Variants in LRRC4C observed in about 807,000 individuals in gnomAD.
LRRC4C encodes leucine rich repeat containing 4C.
Under a neutral mutation model 33.6 loss-of-function variants are expected in LRRC4C, and 5 were observed. The ratio of observed to expected loss-of-function variants is 0.15; its 90% confidence interval spans 0.08 to 0.31. LRRC4C has a LOEUF of 0.31. Among genes scored for constraint, LRRC4C ranks in the 10% least tolerant of loss-of-function variants. The probability of loss-of-function intolerance (pLI) is 1.00; values close to 1 mark genes in which losing one functional copy is unlikely to be tolerated. For synonymous variants in LRRC4C, 329 were observed against 302.0 expected (o/e 1.09, Z -0.93); for missense variants, 560 against 796.7 (o/e 0.70, Z 3.58).
intron 2 of LRRC4C, among the ~76,000 whole-genome samples, chr11:40,665,094 G>A (rs1020264252): frequency 9.3e-5 from 14 of 151,340 alleles, no homozygotes; most frequent in African/African-American, 2.9e-4. Context: ...TTATCTTCTG[G>A]TAGGATACTT....
At chr11:40,297,839 C>G (rs1944588386) in intron 4 of LRRC4C, among the ~76,000 whole-genome samples, 1 of 152,034 alleles carries the variant, frequency 6.6e-6, no homozygotes, top group South Asian at 2.1e-4. Flanking sequence ...AATAAGGGAA[C>G]CTAGCTAGGA....
chr11:40,549,227 T>C (rs1957043589), intron 3 of LRRC4C, among the ~76,000 whole-genome samples: 1 of 152,142 alleles, frequency 6.6e-6, no homozygotes, highest in Non-Finnish European at 1.5e-5. Context: ...TAGCTTATGA[T>C]ACAATCAGGC....
Position 40,427,733 on chromosome 11 carries a change from G to A in LRRC4C, c.-269-108012C>T, listed in dbSNP as rs144137059. Among the ~76,000 whole-genome samples, 1,464 of 152,238 alleles carry A rather than the reference G, an allele frequency of 9.6e-3. 23 individuals carry two copies. Among genetic ancestry groups the A allele is most frequent in the African/African-American group, 0.033 (1,372 of 41,536 alleles). On this transcript the variant is annotated intron_variant, in intron 3 of 6. Transcript: ENST00000528697. ...TAGTCCCAGCTATTTGGGAGGCTGA[G>A]GTGGGAGGATCACTTGAGTCTGGGA...
At chr11:40,419,975 T>A (rs2137729538) in intron 3 of LRRC4C, among the ~76,000 whole-genome samples, 1 of 152,300 alleles carries the variant, frequency 6.6e-6, no homozygotes, top group African/African-American at 2.4e-5. Context: ...GAGGTGAATT[T>A]TACTTATTAA....
chr11:40,989,315 T>C (rs1853329914), intron 1 of LRRC4C, among the ~76,000 whole-genome samples: 1 of 152,190 alleles, frequency 6.6e-6, no homozygotes, highest in Non-Finnish European at 1.5e-5. Flanking sequence ...CAGGCACTGT[T>C]CTAGGCACTT....
chr11:40,940,119 C>T (rs1022012418), intron 1 of LRRC4C, among the ~76,000 whole-genome samples: 1 of 152,122 alleles, frequency 6.6e-6, no homozygotes, highest in Non-Finnish European at 1.5e-5. Flanking sequence ...ACTTTAATCT[C>T]ACACTGTCAC....
chr11:40,764,147 G>A (rs762556161), intron 2 of LRRC4C, among the ~76,000 whole-genome samples: 3 of 152,080 alleles, frequency 2.0e-5, no homozygotes, highest in South Asian at 2.1e-4. Context: ...AAGGCACTGC[G>A]CTGAGTCCTG....
intron 3 of LRRC4C, among the ~76,000 whole-genome samples, chr11:40,412,727 A>C (rs1015134656): frequency 1.3e-5 from 2 of 152,070 alleles, no homozygotes; most frequent in Non-Finnish European, 2.9e-5. Context: ...GAGTTAGGCT[A>C]TGAAGGCTCA....
intron 1 of LRRC4C, among the ~76,000 whole-genome samples, chr11:41,157,756 A>C (rs2136004149): frequency 6.6e-6 from 1 of 152,080 alleles, no homozygotes; most frequent in Non-Finnish European, 1.5e-5. Flanking sequence ...TTACGTTTTT[A>C]ATTTTTAAAT....
intron 1 of LRRC4C, among the ~76,000 whole-genome samples, chr11:41,450,748 A>G (rs540822665): frequency 6.6e-6 from 1 of 152,264 alleles, no homozygotes; most frequent in Non-Finnish European, 1.5e-5. Flanking sequence ...GCTCCAACCT[A>G]TATCTTCATT....
At chr11:41,161,598 T>C (rs1487711993) in intron 1 of LRRC4C, among the ~76,000 whole-genome samples, 1 of 152,168 alleles carries the variant, frequency 6.6e-6, no homozygotes, top group Non-Finnish European at 1.5e-5. Flanking sequence ...ACACTTAGGG[T>C]CACCTATGAA....
chr11:40,562,039 G>T (rs572869899), intron 3 of LRRC4C, among the ~76,000 whole-genome samples: 1 of 152,202 alleles, frequency 6.6e-6, no homozygotes, highest in African/African-American at 2.4e-5. Flanking sequence ...ACCCACATAG[G>T]TGGTCTAGAC....
intron 1 of LRRC4C, among the ~76,000 whole-genome samples, chr11:41,399,396 A>G (rs920141810): frequency 2.6e-5 from 4 of 151,988 alleles, no homozygotes; most frequent in African/African-American, 9.7e-5. Flanking sequence ...TCGGGAGAAC[A>G]ACATATTGTA....
At position 40,345,745 on chromosome 11, in the gene LRRC4C, C is replaced by G. The variant is rs144780712; in HGVS notation, c.-269-26024G>C. On this transcript the variant is annotated intron_variant, in intron 3 of 6. Coordinates refer to ENST00000528697, the MANE Select transcript of LRRC4C (RefSeq NM_001258419.2). Reference sequence around the variant, plus strand: ...GATACTTCATAGCAAAAGAAACTATCAAAAGAGTAAACAGGCAACCTACAG... The same window carrying G: ...GATACTTCATAGCAAAAGAAACTATGAAAAGAGTAAACAGGCAACCTACAG... Among the ~76,000 whole-genome samples the G allele has an allele frequency of 2.6e-4, 40 of 152,148 alleles. 1 individual carries two copies. In the East Asian group the frequency reaches 7.7e-3, roughly 29 times the overall value.
chr11:40,854,729 AT>A (rs1262774786), intron 2 of LRRC4C, among the ~76,000 whole-genome samples: 2 of 150,930 alleles, frequency 1.3e-5, no homozygotes, highest in Non-Finnish European at 3.0e-5. Flanking sequence ...TAATATATAT[AT>A]TTTATGTACA....
intron 3 of LRRC4C, among the ~76,000 whole-genome samples, chr11:40,570,467 G>T (rs1957939104): frequency 2.0e-5 from 3 of 152,074 alleles, no homozygotes; most frequent in African/African-American, 7.2e-5. Flanking sequence ...TACACTATGA[G>T]GACTGGCTGC....
chr11:40,229,599 A>G (rs992022924), intron 5 of LRRC4C, among the ~76,000 whole-genome samples: 2 of 152,208 alleles, frequency 1.3e-5, no homozygotes, highest in African/African-American at 4.8e-5. Flanking sequence ...ATAGCAGCCC[A>G]CATATTTGTC....
At chr11:41,042,952 GC>G (rs1857527768) in intron 1 of LRRC4C, among the ~76,000 whole-genome samples, 1 of 149,664 alleles carries the variant, frequency 6.7e-6, no homozygotes, top group Non-Finnish European at 1.5e-5. Context: ...ATGAAAGGAG[GC>G]CCTGGTTAGC....
intron 2 of LRRC4C, among the ~76,000 whole-genome samples, chr11:40,800,024 G>C (rs1554963366): frequency 6.6e-6 from 1 of 151,812 alleles, no homozygotes; most frequent in African/African-American, 2.4e-5. Flanking sequence ...AGTCAGAGGA[G>C]AAAAAAAGAG....
Sources: gnomAD v4.1 joint callset for allele counts (sites outside exome capture counted in the v4.1 genomes callset) on GRCh38, gnomAD v4.1.1 for gene constraint, MANE v1.5 for transcripts, NCBI Gene and HGNC (gene_info 2026-07-23, HGNC 2026-07-21) for gene names.